Variants in BMERB1 observed in about 807,000 individuals in gnomAD.
BMERB1 encodes bMERB domain-containing protein 1.
BMERB1 carries 12 observed loss-of-function variants against 23.6 expected under a neutral mutation model. The observed-to-expected ratio is 0.51, with a 90% CI of 0.33 to 0.82. The LOEUF (loss-of-function observed/expected upper bound fraction) is 0.82. Ranked by LOEUF, BMERB1 falls within the 40% of genes least tolerant of loss-of-function variation. BMERB1 has a pLI of 0.03. For synonymous variants in BMERB1, 122 were observed against 96.6 expected (o/e 1.26, Z -1.54); for missense variants, 247 against 255.4 (o/e 0.97, Z 0.22).
intron 1 of BMERB1, among the ~76,000 whole-genome samples, chr16:15,499,807 C>T (rs1173339305): frequency 6.6e-6 from 1 of 152,148 alleles, no homozygotes; most frequent in Non-Finnish European, 1.5e-5. Context: ...GGGAAGATGT[C>T]GCAGCATTAT....
At chr16:15,586,675 G>C (rs376695779) in intron 5 of BMERB1, 42 bp from the exon 6 acceptor site, 117 of 1,498,486 alleles carry the variant, frequency 7.8e-5, no homozygotes, top group African/African-American at 2.2e-4. Flanking sequence ...CTCTCTCTCT[G>C]TTCCTTTCTC....
chr16:15,554,779 G>A (rs965578334), intron 2 of BMERB1, among the ~76,000 whole-genome samples: 1 of 150,888 alleles, frequency 6.6e-6, no homozygotes, highest in African/African-American at 2.4e-5. Flanking sequence ...CCATTCTCCT[G>A]CCTCAGCCTC....
chr16:15,446,498 T>C (rs2050991312), intron 1 of BMERB1, among the ~76,000 whole-genome samples: 1 of 152,236 alleles, frequency 6.6e-6, no homozygotes, highest in Non-Finnish European at 1.5e-5. Context: ...TTACAAAACG[T>C]TCTGTGAGAT....
chr16:15,532,405 T>A (rs1391370219), intron 2 of BMERB1, among the ~76,000 whole-genome samples: 1 of 151,474 alleles, frequency 6.6e-6, no homozygotes, highest in Admixed American at 6.6e-5. Context: ...CTAATTTGTA[T>A]TTTTAGTAGA....
At chr16:15,495,744 G>A (rs1417537486) in intron 1 of BMERB1, among the ~76,000 whole-genome samples, 1 of 152,144 alleles carries the variant, frequency 6.6e-6, no homozygotes, top group East Asian at 1.9e-4. Flanking sequence ...ATTGCAGGTG[G>A]GACACAAGAC....
intron 3 of BMERB1, among the ~76,000 whole-genome samples, chr16:15,574,796 G>A (rs139345258): frequency 5.9e-5 from 9 of 152,172 alleles, no homozygotes; most frequent in African/African-American, 2.2e-4. Context: ...CGGGGGTCAA[G>A]GCCAGGTGCA....
At chr16:15,585,761 G>A (rs1000199037) in intron 5 of BMERB1, among the ~76,000 whole-genome samples, 5 of 151,994 alleles carry the variant, frequency 3.3e-5, no homozygotes, top group East Asian at 3.9e-4. Flanking sequence ...CCCAGGATGC[G>A]GAGGTTGCAG....
At chr16:15,502,352 A>G (rs142309512) in intron 1 of BMERB1, 3 of 1,550,950 alleles carry the variant, frequency 1.9e-6, no homozygotes, top group African/African-American at 1.4e-5. Context: ...GACGGGATGT[A>G]TGGGACGGCG....
chr16:15,492,795 T>C (rs1055365810), intron 1 of BMERB1, among the ~76,000 whole-genome samples: 3 of 152,088 alleles, frequency 2.0e-5, no homozygotes, highest in Non-Finnish European at 4.4e-5. Context: ...GGCACACACC[T>C]GTAGTCCCAG....
chr16:15,570,178 T>A (rs193229176), intron 3 of BMERB1, among the ~76,000 whole-genome samples: 1 of 152,286 alleles, frequency 6.6e-6, no homozygotes, highest in East Asian at 1.9e-4. Context: ...GTCAGTTCAA[T>A]AACTATGTCC....
In BMERB1 at chr16:15,557,333, T is replaced by C. The variant is rs1360594177; in HGVS notation, c.231-10650T>C. 3.9e-5 allele frequency among the ~76,000 whole-genome samples: 6 copies of C among 152,338 alleles called. No individual in the cohort carries two copies. In the East Asian group the frequency reaches 1.2e-3, roughly 29 times the overall value. On this transcript the variant is annotated intron_variant, in intron 2 of 5. Transcript: ENST00000300006. ...GTTCAGCCCTAATGGTACAGAGACCTGGACTAATGTGGCTTATTCAAAGTT... is the reference window on the plus strand; with the variant it reads ...GTTCAGCCCTAATGGTACAGAGACCCGGACTAATGTGGCTTATTCAAAGTT...
chr16:15,565,240 G>A (rs2030532029), intron 2 of BMERB1, among the ~76,000 whole-genome samples: 1 of 152,130 alleles, frequency 6.6e-6, no homozygotes, highest in Admixed American at 6.6e-5. Context: ...TCGATTTCTA[G>A]TTCTGGTCCT....
At chr16:15,476,611 G>A (rs1260266661) in intron 1 of BMERB1, among the ~76,000 whole-genome samples, 2 of 152,204 alleles carry the variant, frequency 1.3e-5, no homozygotes, top group African/African-American at 4.8e-5. Flanking sequence ...TGATTGGGAT[G>A]GAGACTCCGG....
rs932461269 is a variant in BMERB1 at position 15,588,057 on chromosome 16, T to C, written c.*1228T>C. ...AGTACAAAAAGTATGAAGAAGTTTG[T>C]CTTAAAAAAAAAAAAAATTATTCCT... On this transcript the variant is annotated 3_prime_UTR_variant, in exon 6 of 6. Coordinates refer to ENST00000300006, the MANE Select transcript of BMERB1 (RefSeq NM_033201.3). The C allele has an allele frequency of 2.7e-5, 2 of 73,820 alleles. No homozygotes were observed. Among genetic ancestry groups the C allele is most frequent in the Non-Finnish European group, 4.7e-5 (2 of 42,116 alleles). The allele number at this position is 73,820 out of a possible 1,614,324, so 4.6% of individuals were successfully genotyped here. A position where few individuals can be genotyped will look rare whatever the true frequency, so the allele number is the denominator to read the frequency against.
intron 1 of BMERB1, among the ~76,000 whole-genome samples, chr16:15,477,045 G>T (rs2051280629): frequency 6.6e-6 from 1 of 152,190 alleles, no homozygotes; most frequent in Non-Finnish European, 1.5e-5. Flanking sequence ...AGGATTGCTT[G>T]AGGCTAGTAG....
intron 3 of BMERB1, among the ~76,000 whole-genome samples, chr16:15,576,496 A>C (rs1424840546): frequency 6.6e-6 from 1 of 152,208 alleles, no homozygotes; most frequent in South Asian, 2.1e-4. Flanking sequence ...TTATGTAAGC[A>C]CAAAACAAAC....
chr16:15,533,197 A>G (rs1430101370), intron 2 of BMERB1: 1 of 327,952 alleles, frequency 3.0e-6, no homozygotes, highest in Admixed American at 4.4e-5. Flanking sequence ...TTGGAAATGG[A>G]TAGATACAGG....
intron 2 of BMERB1, among the ~76,000 whole-genome samples, chr16:15,535,644 A>G (rs1454372693): frequency 2.2e-5 from 3 of 133,870 alleles, no homozygotes; most frequent in Non-Finnish European, 4.8e-5. Context: ...GCAAGACTCC[A>G]TCTCAAAAAA....
intron 2 of BMERB1, among the ~76,000 whole-genome samples, chr16:15,535,265 T>A (rs1178412688): frequency 6.6e-6 from 1 of 152,026 alleles, no homozygotes; most frequent in Non-Finnish European, 1.5e-5. Context: ...GTGGGAGGAT[T>A]GCTTGAGCCC....
Sources: allele counts gnomAD v4.1 joint callset (sites outside exome capture counted in the v4.1 genomes callset), GRCh38; gene constraint gnomAD v4.1.1; transcripts MANE v1.5; gene names NCBI Gene and HGNC (gene_info 2026-07-23, HGNC 2026-07-21).